SOX13: variants seen among roughly 807,000 people sequenced by gnomAD.
SOX13 encodes SRY-box transcription factor 13.
A neutral mutation model predicts 71.8 loss-of-function variants in SOX13; 28 were observed. The ratio of observed to expected loss-of-function variants is 0.39; its 90% CI spans 0.29 to 0.53. The LOEUF (loss-of-function observed/expected upper bound fraction) is 0.53. Among genes scored for constraint, SOX13 ranks in the 20% least tolerant of loss-of-function variants. The probability of loss-of-function intolerance (pLI) is 0.70; values close to 1 mark genes in which losing one functional copy is unlikely to be tolerated. For synonymous variants in SOX13, 309 were observed against 317.8 expected (o/e 0.97, Z 0.29); for missense variants, 627 against 810.3 (o/e 0.77, Z 2.75).
intron 1 of SOX13, among the ~76,000 whole-genome samples, chr1:204,080,579 A>T (rs1298993521): frequency 6.6e-6 from 1 of 151,290 alleles, no homozygotes; most frequent in Non-Finnish European, 1.5e-5. Context: ...CTCAGAATGG[A>T]ATGTGCAGCC....
chr1:204,115,657 CTTTTTTT>C (rs771014997), intron 4 of SOX13, among the ~76,000 whole-genome samples: 1 of 57,382 alleles, frequency 1.7e-5, no homozygotes, highest in Non-Finnish European at 3.0e-5. Context: ...GCTTCTTCTT[CTTTTTTT>C]TTTTTTTTTT....
In SOX13 at chr1:204,073,149, C is replaced by T. The variant is rs1655702823; in HGVS notation, c.-564C>T. Reference sequence around the variant, plus strand: ...GCAGCAGCGAGCCGCGAGCGCCCTTCTCCAGTCCCGGCTTGGAACTGAACT... The same window carrying T: ...GCAGCAGCGAGCCGCGAGCGCCCTTTTCCAGTCCCGGCTTGGAACTGAACT... On this transcript the variant is annotated 5_prime_UTR_variant, in exon 1 of 14. Transcript: ENST00000367204. This position sits in a 1 kb window ranked among gnomAD's most constrained non-coding sequence, Gnocchi z 6.8. 1 of 151,986 alleles carries T rather than the reference C, an allele frequency of 6.6e-6. No homozygotes were observed. Among genetic ancestry groups the T allele is most frequent in the Non-Finnish European group, 1.5e-5 (1 of 68,102 alleles). 9.4% of individuals were successfully genotyped at this position (151,986 alleles called of 1,614,324 possible).
intron 1 of SOX13, among the ~76,000 whole-genome samples, chr1:204,084,050 A>G (rs763646604): frequency 7.2e-5 from 11 of 152,200 alleles, no homozygotes; most frequent in Non-Finnish European, 1.3e-4. Context: ...AGATGGTCCT[A>G]TTCCTCACTA....
chr1:204,093,266 A>G (rs1558212903), intron 1 of SOX13, among the ~76,000 whole-genome samples: 1 of 152,184 alleles, frequency 6.6e-6, no homozygotes, highest in Non-Finnish European at 1.5e-5. Context: ...CTCAGAGCAC[A>G]CTGCCTTTTC....
At chr1:204,121,189 A>G (rs138779057) in intron 7 of SOX13, among the ~76,000 whole-genome samples, 4,007 of 152,150 alleles carry the variant, frequency 0.026, 164 homozygotes, top group African/African-American at 0.09. Flanking sequence ...CATGTTGGTC[A>G]TGCTGGTCAG....
intron 1 of SOX13, among the ~76,000 whole-genome samples, chr1:204,086,050 G>A (rs1029855446): frequency 6.6e-6 from 1 of 152,168 alleles, no homozygotes; most frequent in Non-Finnish European, 1.5e-5. Context: ...GCCAGACCCC[G>A]GAGGTGTGAA....
intron 1 of SOX13, among the ~76,000 whole-genome samples, chr1:204,079,524 T>C (rs1300577329): frequency 6.6e-6 from 1 of 151,880 alleles, no homozygotes; most frequent in Non-Finnish European, 1.5e-5. Context: ...TTTTGTATTT[T>C]TAGGAGAGTT....
chr1:204,077,145 G>GA (rs1244811017), intron 1 of SOX13, among the ~76,000 whole-genome samples: 16 of 152,228 alleles, frequency 1.1e-4, no homozygotes, highest in Admixed American at 1.0e-3. Context: ...AAGACCTGGA[G>GA]ACAGGGGATT....
Position 204,123,335 on chromosome 1 carries a change from C to T in SOX13, c.1231+127C>T. 1.3e-6 allele frequency: 1 copy of T among 763,786 alleles called. No individual in the cohort carries two copies. The highest frequency in any genetic ancestry group is 1.5e-5 in the South Asian group (1 of 64,872). 47.3% of individuals were successfully genotyped at this position (763,786 alleles called of 1,614,324 possible). ...GTTGGGTCCTTTCCAGGTGTGTGTG[C>T]CTCTGCTGTCCCATTATGTGTCTGT... On this transcript the variant is annotated intron_variant, in intron 11 of 13. Coordinates refer to ENST00000367204, the MANE Select transcript of SOX13 (RefSeq NM_005686.3). This position sits in a 1 kb window ranked among gnomAD's most constrained non-coding sequence, Gnocchi z 5.0.
Position 204,081,642 on chromosome 1 carries a change from C to T in SOX13, c.-2+7931C>T, listed in dbSNP as rs1465431586. 6.6e-6 allele frequency among the ~76,000 whole-genome samples: 1 copy of T among 152,182 alleles called. No homozygotes were observed. Among genetic ancestry groups the T allele is most frequent in the East Asian group, 1.9e-4 (1 of 5,178 alleles). On this transcript the variant is annotated intron_variant, in intron 1 of 13. Coordinates refer to ENST00000367204, the MANE Select transcript of SOX13 (RefSeq NM_005686.3). This position sits in a 1 kb window ranked among gnomAD's most constrained non-coding sequence, Gnocchi z 4.3. ...TTGGCGTGAGCTGCCCTCACACTGA[C>T]TTAAAAGCATTAACTCTTGCCTGGC...
intron 1 of SOX13, among the ~76,000 whole-genome samples, chr1:204,095,862 A>G (rs1217615158): frequency 1.3e-5 from 2 of 152,124 alleles, no homozygotes; most frequent in East Asian, 1.9e-4. Context: ...ACTCTATTCT[A>G]CTTTCTGTCT....
chr1:204,082,142 GGTGT>G (rs1197579324), intron 1 of SOX13, among the ~76,000 whole-genome samples: 2 of 151,262 alleles, frequency 1.3e-5, no homozygotes, highest in African/African-American at 4.9e-5. Context: ...TGTGTGTGTG[GGTGT>G]ATGTGTGGGG....
At position 204,126,562 on chromosome 1, in the gene SOX13, C is replaced by G. The variant is rs368263653; in HGVS notation, c.*428C>G. On this transcript the variant is annotated 3_prime_UTR_variant, in exon 14 of 14. Coordinates refer to ENST00000367204, the MANE Select transcript of SOX13 (RefSeq NM_005686.3). ...TCCCACACTCCCCCAGACTGCTCGT[C>G]TATCACCAGGATCGCTTTGTACTTT... The G allele has an allele frequency of 4.6e-6, 1 of 219,678 alleles. No individual in the cohort carries two copies. Among genetic ancestry groups the G allele is most frequent in the East Asian group, 1.1e-4 (1 of 9,278 alleles). The allele number at this position is 219,678 out of a possible 1,614,324, so 13.6% of individuals were successfully genotyped here.
chr1:204,095,519 G>A (rs940255684), intron 1 of SOX13, among the ~76,000 whole-genome samples: 2 of 152,108 alleles, frequency 1.3e-5, no homozygotes, highest in African/African-American at 4.8e-5. Context: ...CAAGGCAGCC[G>A]CTCTCCAGCC....
At chr1:204,115,492 T>TTATAA (rs1491309003) in intron 4 of SOX13, among the ~76,000 whole-genome samples, 1 of 49,928 alleles carries the variant, frequency 2.0e-5, no homozygotes, top group Non-Finnish European at 3.6e-5. Flanking sequence ...TTTTTTTTTT[T>TTATAA]AAAAAAAAAA....
intron 1 of SOX13, among the ~76,000 whole-genome samples, chr1:204,093,757 A>T (rs767243190): frequency 6.6e-6 from 1 of 152,226 alleles, no homozygotes; most frequent in Non-Finnish European, 1.5e-5. Context: ...CAGTTTCCTC[A>T]TCTGTACAAT....
intron 4 of SOX13, among the ~76,000 whole-genome samples, chr1:204,115,653 T>G (rs1571589352): frequency 2.3e-5 from 3 of 130,266 alleles, no homozygotes; most frequent in African/African-American, 8.2e-5. Context: ...TAGCGCTTCT[T>G]CTTCTTTTTT....
At chr1:204,078,634 C>T (rs1457299689) in intron 1 of SOX13, among the ~76,000 whole-genome samples, 1 of 152,178 alleles carries the variant, frequency 6.6e-6, no homozygotes, top group Non-Finnish European at 1.5e-5. Flanking sequence ...GCCAGGGAGG[C>T]CATCACAGTG....
At chr1:204,110,650 A>G (rs1249245060) in intron 1 of SOX13, among the ~76,000 whole-genome samples, 1 of 152,048 alleles carries the variant, frequency 6.6e-6, no homozygotes, top group Non-Finnish European at 1.5e-5. Flanking sequence ...GATTGTATAT[A>G]TTTTATTCAA....
Sources: allele counts gnomAD v4.1 joint callset (sites outside exome capture counted in the v4.1 genomes callset), GRCh38; gene constraint gnomAD v4.1.1; non-coding constraint Gnocchi (gnomAD v3.1); transcripts MANE v1.5; gene names NCBI Gene and HGNC (gene_info 2026-07-23, HGNC 2026-07-21).